Variants in XPR1 observed in about 807,000 individuals in gnomAD.
XPR1 encodes the protein solute carrier family 53 member 1.
XPR1 carries 28 observed loss-of-function variants against 87.5 expected under a neutral mutation model. That is an observed-to-expected ratio of 0.32 (90% CI 0.24 to 0.44). XPR1 has a LOEUF of 0.44. Among genes scored for constraint, XPR1 ranks in the 20% least tolerant of loss-of-function variants. XPR1 has a pLI of 1.00. For missense variants in XPR1, 559 were observed against 862.3 expected (o/e 0.65, Z 4.41); for synonymous variants, 300 against 306.1 (o/e 0.98, Z 0.21).
intron 11 of XPR1, among the ~76,000 whole-genome samples, chr1:180,858,020 C>T (rs1652092504): frequency 6.6e-6 from 1 of 152,060 alleles, no homozygotes; most frequent in Non-Finnish European, 1.5e-5. Flanking sequence ...AGTTTGAGAC[C>T]AGCCTGGCCA....
chr1:180,673,121 G>A (rs1656241076), intron 1 of XPR1, among the ~76,000 whole-genome samples: 1 of 152,174 alleles, frequency 6.6e-6, no homozygotes, highest in South Asian at 2.1e-4. Context: ...TAGGAAGTAG[G>A]AGTTTTTTAG....
intron 4 of XPR1, among the ~76,000 whole-genome samples, chr1:180,805,355 T>C (rs1367119129): frequency 6.6e-6 from 1 of 152,244 alleles, no homozygotes; most frequent in Non-Finnish European, 1.5e-5. Flanking sequence ...CTTTTTTGCA[T>C]GCTGGGCAAA....
chr1:180,835,501 C>CCT (rs1291774032), intron 10 of XPR1, among the ~76,000 whole-genome samples: 2 of 152,002 alleles, frequency 1.3e-5, no homozygotes, highest in African/African-American at 4.8e-5. Context: ...TTCGCACCCC[C>CCT]CCCTTAGTTT....
intron 1 of XPR1, among the ~76,000 whole-genome samples, chr1:180,650,376 CAGG>C (rs1655255840): frequency 6.6e-6 from 1 of 152,136 alleles, no homozygotes; most frequent in Admixed American, 6.5e-5. Context: ...GCTGAGACTA[CAGG>C]TGCACAGCAC....
chr1:180,855,945 C>T (rs1382252098), intron 11 of XPR1, among the ~76,000 whole-genome samples: 2 of 152,136 alleles, frequency 1.3e-5, no homozygotes, highest in African/African-American at 4.8e-5. Flanking sequence ...CAGGATCTAG[C>T]TCTGGCAGTT....
At chr1:180,856,025 G>A (rs1295047546) in intron 11 of XPR1, among the ~76,000 whole-genome samples, 3 of 152,016 alleles carry the variant, frequency 2.0e-5, no homozygotes, top group Non-Finnish European at 4.4e-5. Flanking sequence ...CTATGTACAT[G>A]CTTAAGAGTC....
At chr1:180,711,322 A>T (rs1331552565) in intron 2 of XPR1, among the ~76,000 whole-genome samples, 1 of 152,156 alleles carries the variant, frequency 6.6e-6, no homozygotes, top group East Asian at 1.9e-4. Context: ...AGCCTGGGCA[A>T]CATTGAGCAC....
chr1:180,846,453 T>A (rs899151432), intron 11 of XPR1, among the ~76,000 whole-genome samples: 43 of 151,416 alleles, frequency 2.8e-4, no homozygotes, highest in African/African-American at 7.5e-4. Context: ...TTATTTATTT[T>A]TTTTTTGAGA....
chr1:180,794,980 G>A (rs1003695637), intron 3 of XPR1, among the ~76,000 whole-genome samples: 1 of 152,108 alleles, frequency 6.6e-6, no homozygotes, highest in Admixed American at 6.6e-5. Flanking sequence ...AAAGATAAAA[G>A]CAGTATAAAA....
At chr1:180,647,902 C>CAAAAAAAA (rs1009441967) in intron 1 of XPR1, among the ~76,000 whole-genome samples, 2 of 55,948 alleles carry the variant, frequency 3.6e-5, no homozygotes, top group African/African-American at 5.4e-5. Flanking sequence ...CTCTTATCTG[C>CAAAAAAAA]AAAAAAAAAA....
chr1:180,826,283 G>T (rs138332637), intron 9 of XPR1, among the ~76,000 whole-genome samples: 54 of 151,966 alleles, frequency 3.6e-4, no homozygotes, highest in African/African-American at 1.2e-3. Flanking sequence ...AGGTACAGTC[G>T]CTCATGCCTA....
chr1:180,719,151 A>G (rs1397823985), intron 2 of XPR1, among the ~76,000 whole-genome samples: 3 of 152,270 alleles, frequency 2.0e-5, no homozygotes, highest in East Asian at 3.8e-4. Flanking sequence ...AACCTGGGAT[A>G]TATAAATACC....
intron 3 of XPR1, among the ~76,000 whole-genome samples, chr1:180,791,764 T>C (rs1469762091): frequency 6.6e-6 from 1 of 152,268 alleles, no homozygotes; most frequent in East Asian, 1.9e-4. Context: ...TTTTCTATTC[T>C]ATTTGATTTT....
intron 3 of XPR1, among the ~76,000 whole-genome samples, chr1:180,800,915 T>C (rs1195135119): frequency 1.3e-5 from 2 of 152,184 alleles, no homozygotes; most frequent in Non-Finnish European, 2.9e-5. Context: ...AGTGACTCTC[T>C]GTTGTAGTGA....
chr1:180,881,040 A>G (rs1291835892), intron 14 of XPR1, among the ~76,000 whole-genome samples: 1 of 152,224 alleles, frequency 6.6e-6, no homozygotes, highest in Non-Finnish European at 1.5e-5. Context: ...AAAGGTAGAA[A>G]TGAAGTGCAG....
intron 2 of XPR1, among the ~76,000 whole-genome samples, chr1:180,770,157 A>T (rs1648455101): frequency 6.6e-6 from 1 of 152,008 alleles, no homozygotes; most frequent in Admixed American, 6.6e-5. Context: ...ATTTTGTTTT[A>T]TGTTTTTGTC....
At chr1:180,654,647 A>G (rs924751424) in intron 1 of XPR1, among the ~76,000 whole-genome samples, 1 of 152,158 alleles carries the variant, frequency 6.6e-6, no homozygotes, top group African/African-American at 2.4e-5. Flanking sequence ...AGTACCTCAT[A>G]TAAGTAGAAT....
At chr1:180,744,668 T>TTTTTTTTTTTTG (rs1553243748) in intron 2 of XPR1, among the ~76,000 whole-genome samples, 1 of 147,244 alleles carries the variant, frequency 6.8e-6, no homozygotes, top group Non-Finnish European at 1.5e-5. Context: ...TTTTTTTTTT[T>TTTTTTTTTTTTG]GAGACAGAAT....
intron 1 of XPR1, among the ~76,000 whole-genome samples, chr1:180,652,927 C>T (rs1375062840): frequency 6.6e-6 from 1 of 152,168 alleles, no homozygotes; most frequent in Non-Finnish European, 1.5e-5. Context: ...AAGATGTTAG[C>T]TGGGGCTGCA....
Sources: gnomAD v4.1 joint callset for allele counts (sites outside exome capture counted in the v4.1 genomes callset) on GRCh38, gnomAD v4.1.1 for gene constraint, MANE v1.5 for transcripts, NCBI Gene and HGNC (gene_info 2026-07-23, HGNC 2026-07-21) for gene names.